The following C1RL variants were observed in gnomAD, a reference collection of about 807,000 sequenced individuals.
The protein encoded by C1RL is complement C1r subcomponent like.
Under a neutral mutation model 27.9 loss-of-function variants are expected in C1RL, and 27 were observed. The observed-to-expected ratio is 0.97, with a 90% CI of 0.71 to 1.33. The LOEUF (loss-of-function observed/expected upper bound fraction) is 1.33. Ranked by LOEUF, C1RL falls within the 40% of genes most tolerant of loss-of-function variation. C1RL has a pLI of 0.00. For missense variants in C1RL, 563 were observed against 623.9 expected (o/e 0.90, Z 1.04); for synonymous variants, 248 against 252.1 (o/e 0.98, Z 0.15).
Position 7,095,406 on chromosome 12 carries a change from G to A in C1RL, c.*985C>T, listed in dbSNP as rs777699288. 99 of 1,001,196 alleles carry A rather than the reference G, an allele frequency of 9.9e-5. No individual in the cohort carries two copies. The highest frequency in any genetic ancestry group is 1.2e-4 in the Admixed American group (2 of 16,898). The allele number at this position is 1,001,196 out of a possible 1,614,324, so 62.0% of individuals were successfully genotyped here. On this transcript the variant is annotated 3_prime_UTR_variant, in exon 6 of 6. Coordinates refer to ENST00000266542, the MANE Select transcript of C1RL (RefSeq NM_016546.4). Reference sequence around the variant, plus strand: ...TGGGATTACAGGCGTGAGCCACTGCGCCCGGCCCATCACCTCCAGGTTTTA... The same window carrying A: ...TGGGATTACAGGCGTGAGCCACTGCACCCGGCCCATCACCTCCAGGTTTTA...
chr12:7,105,903 GGTAAATAGAAC>G (rs1177504304), intron 2 of C1RL, among the ~76,000 whole-genome samples: 1 of 151,930 alleles, frequency 6.6e-6, no homozygotes, highest in Non-Finnish European at 1.5e-5. Context: ...CAAAAGAGAT[GGTAAATAGAAC>G]AAAACAGATA....
chr12:7,105,372 C>T (rs930688396), intron 2 of C1RL, among the ~76,000 whole-genome samples: 13 of 152,016 alleles, frequency 8.6e-5, no homozygotes, highest in East Asian at 1.9e-4. Flanking sequence ...CAGGTTCAAG[C>T]GATTCTTATG....
chr12:7,100,151 A>G, intron 3 of C1RL, 125 bp from the exon 4 acceptor site: 1 of 991,696 alleles, frequency 1.0e-6, no homozygotes, highest in Middle Eastern at 3.3e-4. Flanking sequence ...TTTTTAAAAC[A>G]TTTGAGTTCG....
At chr12:7,097,254 G>A in intron 5 of C1RL, 91 bp from the exon 6 acceptor site, 1 of 1,179,378 alleles carries the variant, frequency 8.5e-7, no homozygotes, top group South Asian at 1.5e-5. Context: ...TGTGGTAGGG[G>A]ACGCGTGAAG....
intron 2 of C1RL, 105 bp from the exon 3 acceptor site, chr12:7,102,192 G>A (rs1308714440): frequency 6.7e-6 from 8 of 1,196,132 alleles, no homozygotes; most frequent in South Asian, 1.4e-5. Context: ...CCATCTAGAC[G>A]GGCCGTGCCC....
rs1265592795 is a variant in C1RL, at chr12:7,095,489, C to T, written c.*902G>A. 2 of 989,848 alleles carry T rather than the reference C, an allele frequency of 2.0e-6. No individual in the cohort carries two copies. The highest frequency in any genetic ancestry group is 2.4e-6 in the Non-Finnish European group (2 of 832,412). 61.3% of individuals were successfully genotyped at this position (989,848 alleles called of 1,614,324 possible). A position where few individuals can be genotyped will look rare whatever the true frequency, so the allele number is the denominator to read the frequency against. On this transcript the variant is annotated 3_prime_UTR_variant, in exon 6 of 6. Transcript: ENST00000266542. ...AGCAGTTCCCCTGATGATAGGGGCA[C>T]AGGTGGGGTGTCTGCAAGAACTTCA...
chr12:7,103,599 A>G (rs1938685025), intron 2 of C1RL, among the ~76,000 whole-genome samples: 1 of 152,178 alleles, frequency 6.6e-6, no homozygotes, highest in Non-Finnish European at 1.5e-5. Flanking sequence ...TTATTCCTTT[A>G]ACACATTTAC....
Position 7,108,908 on chromosome 12 carries a change from C to T in C1RL, c.71+202G>A, listed in dbSNP as rs1938848135. ...AGGCCACAGGCAAATTTCAGTCTCC[C>T]CATGGAATATCTGCTGTGCTGCTGC... On this transcript the variant is annotated intron_variant, in intron 1 of 5. Coordinates refer to ENST00000266542, the MANE Select transcript of C1RL (RefSeq NM_016546.4). 8.4e-6 allele frequency: 5 copies of T among 594,942 alleles called. No individual in the cohort carries two copies. In the African/African-American group the frequency reaches 9.4e-5, roughly 11 times the overall value. The allele number at this position is 594,942 out of a possible 1,614,324, so 36.9% of individuals were successfully genotyped here.
intron 2 of C1RL, among the ~76,000 whole-genome samples, chr12:7,106,498 G>A (rs985241155): frequency 1.3e-5 from 2 of 152,182 alleles, no homozygotes; most frequent in African/African-American, 4.8e-5. Context: ...AGAGGGAGAA[G>A]AGAACTCCCA....
chr12:7,108,695 A>G, intron 1 of C1RL: 1 of 570,812 alleles, frequency 1.8e-6, no homozygotes, highest in Non-Finnish European at 3.1e-6. Context: ...CCTGAGCTCT[A>G]GGATTGTGGG....
intron 2 of C1RL, 141 bp downstream of exon 2, chr12:7,108,110 C>G (rs1380750488): frequency 3.0e-6 from 2 of 668,960 alleles, no homozygotes; most frequent in African/African-American, 3.7e-5. Context: ...CCACTGCTCC[C>G]CGGTAAGCCA....
At position 7,097,226 on chromosome 12, in the gene C1RL, C is replaced by T; in HGVS notation, c.692-63G>A. On this transcript the variant is annotated intron_variant, in intron 5 of 5. Coordinates refer to ENST00000266542, the MANE Select transcript of C1RL (RefSeq NM_016546.4). ...TGCATCTAGACACACTGATTAAAGA[C>T]CTGCTTCTCTGAAGTGCTGTGGTAG... The T allele has an allele frequency of 3.4e-6, 5 of 1,456,766 alleles. No homozygotes were observed. In the South Asian group the frequency reaches 5.4e-5, roughly 16 times the overall value. The allele number at this position is 1,456,766 out of a possible 1,614,324, so 90.2% of individuals were successfully genotyped here.
rs990625447 is a variant in C1RL, at chr12:7,104,268, C to T, written c.301-2181G>A. On this transcript the variant is annotated intron_variant, in intron 2 of 5. Transcript: ENST00000266542. The surrounding 1 kb of genome is among the most constrained non-coding windows in gnomAD (Gnocchi z 5.4). ...GAGGGAGACTGCAGAATCCTAGAAT[C>T]TCTGTGCACCCAGGCAACTCCCTCT... is the stretch of plus-strand genomic sequence containing the variant. Among the ~76,000 whole-genome samples, 3 of 152,206 alleles carry T rather than the reference C, an allele frequency of 2.0e-5. No homozygotes were observed. The highest frequency in any genetic ancestry group is 2.9e-5 in the Non-Finnish European group (2 of 68,034).
At position 7,109,132 on chromosome 12, in the gene C1RL, AGT is replaced by A; in HGVS notation, c.47_48del (p.His16LeufsTer152). ...CACATTGCGCCTGGACAGCCTTTGG[AGT>A]GAGGGCTTCTCCAGAGATATTTCCC... ...VWGKYLWRSP[H>X]SKGCPGAMWW... On this transcript the variant is annotated frameshift_variant, in exon 1 of 6. Coordinates refer to ENST00000266542, the MANE Select transcript of C1RL (RefSeq NM_016546.4). LOFTEE classifies it high-confidence loss of function. The A allele has an allele frequency of 1.9e-6, 3 of 1,597,636 alleles. No individual in the cohort carries two copies. The highest frequency in any genetic ancestry group is 1.7e-6 in the Non-Finnish European group (2 of 1,171,646).
rs1326938679 is a variant in C1RL, at chr12:7,095,763, CT to C, written c.*627del. On this transcript the variant is annotated 3_prime_UTR_variant, in exon 6 of 6. Transcript: ENST00000266542. ...GGACTTGGGCAAGTCCCTTTATCCC[CT>C]GAGCCTCAGTTTCCTCATTTGTCAC... The C allele has an allele frequency of 1.8e-5, 14 of 776,962 alleles. No homozygotes were observed. The highest frequency in any genetic ancestry group is 1.9e-5 in the African/African-American group (1 of 52,880). The allele number at this position is 776,962 out of a possible 1,614,324, so 48.1% of individuals were successfully genotyped here. A position where few individuals can be genotyped will look rare whatever the true frequency, so the allele number is the denominator to read the frequency against.
chr12:7,103,853 T>C (rs1203439449), intron 2 of C1RL, among the ~76,000 whole-genome samples: 2 of 152,210 alleles, frequency 1.3e-5, no homozygotes, highest in Non-Finnish European at 2.9e-5. Context: ...AAAATCTCCA[T>C]GATTTAAGAG....
At chr12:7,105,562 G>A (rs141138161) in intron 2 of C1RL, among the ~76,000 whole-genome samples, 28 of 152,240 alleles carry the variant, frequency 1.8e-4, no homozygotes, top group African/African-American at 4.8e-4. Flanking sequence ...GAGCCACTGC[G>A]CCCGGCCTTA....
In C1RL at chr12:7,096,505, C is replaced by T. The variant is rs979071675; in HGVS notation, c.1350G>A (p.Trp450Ter). 3.1e-6 allele frequency: 5 copies of T among 1,614,118 alleles called. No individual in the cohort carries two copies. In the East Asian group the frequency reaches 8.9e-5, roughly 29 times the overall value. ...YVVWDNHAHH[W>*]VATGIVSWGI... Reference sequence around the variant, plus strand: ...CCCAGGACACAATGCCCGTGGCCACCCAGTGATGGGCATGATTGTCCCATA... The same window carrying T: ...CCCAGGACACAATGCCCGTGGCCACTCAGTGATGGGCATGATTGTCCCATA... The change falls in exon 6 of 6, where the codon TGG (tryptophan) becomes TGA (stop). Residue 450 changes from tryptophan to a stop codon, truncating the protein, a stop_gained. Coordinates refer to ENST00000266542, the MANE Select transcript of C1RL (RefSeq NM_016546.4). LOFTEE classifies it high-confidence loss of function.
chr12:7,108,648 C>A, intron 1 of C1RL, 169 bp from the exon 2 acceptor site: 1 of 593,902 alleles, frequency 1.7e-6, no homozygotes, highest in Non-Finnish European at 3.0e-6. Flanking sequence ...TCCCTTGCTC[C>A]CCTTCCTCAC....
Sources: allele counts gnomAD v4.1 joint callset (sites outside exome capture counted in the v4.1 genomes callset), GRCh38; gene constraint gnomAD v4.1.1; non-coding constraint Gnocchi (gnomAD v3.1); transcripts MANE v1.5; gene names NCBI Gene and HGNC (gene_info 2026-07-23, HGNC 2026-07-21).